Variants in MAST4 observed in about 807,000 individuals in gnomAD.
MAST4 encodes microtubule-associated serine/threonine-protein kinase 4.
A neutral mutation model predicts 162.7 loss-of-function variants in MAST4; 89 were observed. The ratio of observed to expected loss-of-function variants is 0.55; its 90% confidence interval spans 0.46 to 0.65. The LOEUF is 0.65. MAST4 is among the 30% of genes least tolerant of loss of function. MAST4 has a pLI of 0.00. For synonymous variants in MAST4, 1,479 were observed against 1,361.1 expected (o/e 1.09, Z -1.91); for missense variants, 3,153 against 3,374.0 (o/e 0.93, Z 1.62).
At chr5:66,622,713 A>G (rs1206085232) in intron 1 of MAST4, among the ~76,000 whole-genome samples, 1 of 152,174 alleles carries the variant, frequency 6.6e-6, no homozygotes, top group East Asian at 1.9e-4. Flanking sequence ...ATGGAAGATG[A>G]TAACTGGAAA....
chr5:67,118,765 G>C lies in MAST4; in HGVS notation c.1659+16G>C. On this transcript the variant is annotated intron_variant, in intron 13 of 28. Coordinates refer to ENST00000403625, the MANE Select transcript of MAST4 (RefSeq NM_001164664.2). ...ATCAGTGAGTGTAAGTATATTTCTT[G>C]ATGAAATATGATGTTGGTTTTTCTG... The C allele has an allele frequency of 7.0e-7, 1 of 1,426,460 alleles. No individual in the cohort carries two copies. Among genetic ancestry groups the C allele is most frequent in the Non-Finnish European group, 9.7e-7 (1 of 1,035,916 alleles). The allele number at this position is 1,426,460 out of a possible 1,614,324, so 88.4% of individuals were successfully genotyped here. A position where few individuals can be genotyped will look rare whatever the true frequency, so the allele number is the denominator to read the frequency against.
chr5:66,937,222 C>T (rs935005980), intron 4 of MAST4, among the ~76,000 whole-genome samples: 2 of 152,182 alleles, frequency 1.3e-5, no homozygotes, highest in African/African-American at 4.8e-5. Context: ...GTGAACAGGA[C>T]ACACATGGCC....
intron 1 of MAST4, among the ~76,000 whole-genome samples, chr5:66,643,007 C>T (rs976960601): frequency 9.9e-5 from 15 of 152,226 alleles, no homozygotes; most frequent in Admixed American, 3.3e-4. Flanking sequence ...CATGTAAATA[C>T]GAATTTCAGA....
intron 6 of MAST4, chr5:67,093,660 C>G (rs376189485): frequency 2.2e-6 from 1 of 461,858 alleles, no homozygotes; most frequent in Non-Finnish European, 4.4e-6. Context: ...TGCTTCAGAA[C>G]TAATAAGAAC....
At chr5:66,705,973 T>G (rs1470431881) in intron 1 of MAST4, among the ~76,000 whole-genome samples, 1 of 152,166 alleles carries the variant, frequency 6.6e-6, no homozygotes, top group Non-Finnish European at 1.5e-5. Context: ...TTTCCCATGG[T>G]TACACATGAT....
At chr5:66,765,368 A>G (rs540670670) in intron 2 of MAST4, among the ~76,000 whole-genome samples, 15 of 152,332 alleles carry the variant, frequency 9.8e-5, no homozygotes, top group African/African-American at 3.6e-4. Flanking sequence ...TAACCTATGC[A>G]TATCCTCCTG....
At chr5:66,776,345 G>A (rs1045401123) in intron 2 of MAST4, among the ~76,000 whole-genome samples, 15 of 152,284 alleles carry the variant, frequency 9.9e-5, no homozygotes, top group African/African-American at 2.4e-4. Flanking sequence ...GCAAAAGAGC[G>A]TCATTGAGTA....
chr5:66,604,072 C>T (rs1246861489), intron 1 of MAST4, among the ~76,000 whole-genome samples: 1 of 152,192 alleles, frequency 6.6e-6, no homozygotes, highest in Non-Finnish European at 1.5e-5. Flanking sequence ...GTCATCTGTG[C>T]TTCCAGGGTT....
chr5:66,842,601 G>C (rs935375249), intron 3 of MAST4, among the ~76,000 whole-genome samples: 2 of 152,062 alleles, frequency 1.3e-5, no homozygotes, highest in African/African-American at 4.8e-5. Flanking sequence ...CAACATACTT[G>C]CTTTGAAATT....
chr5:66,822,870 G>T (rs1054334052), intron 3 of MAST4, among the ~76,000 whole-genome samples: 2 of 152,278 alleles, frequency 1.3e-5, no homozygotes, highest in African/African-American at 4.8e-5. Flanking sequence ...GGTGTTAGGA[G>T]CCCAAACTCT....
chr5:66,668,865 C>G (rs1428525474), intron 1 of MAST4, among the ~76,000 whole-genome samples: 1 of 152,150 alleles, frequency 6.6e-6, no homozygotes, highest in Non-Finnish European at 1.5e-5. Flanking sequence ...TGATTGACAG[C>G]TCCTGGTTGC....
At chr5:67,104,638 T>C (rs536070263) in intron 10 of MAST4, 63 bp downstream of exon 10, 2 of 1,390,616 alleles carry the variant, frequency 1.4e-6, no homozygotes, top group East Asian at 4.9e-5. Context: ...AAAATTTTTT[T>C]TTGCTTACAA....
chr5:66,863,691 C>A (rs1453627526), intron 3 of MAST4, among the ~76,000 whole-genome samples: 2 of 152,122 alleles, frequency 1.3e-5, no homozygotes, highest in African/African-American at 4.8e-5. Flanking sequence ...ATGGGGAGAT[C>A]CTGGCAGGAG....
chr5:66,704,574 C>T (rs1285516803), intron 1 of MAST4, among the ~76,000 whole-genome samples: 1 of 145,030 alleles, frequency 6.9e-6, no homozygotes, highest in East Asian at 2.1e-4. Context: ...GATCTCGGCT[C>T]ACTGCAAGCT....
At chr5:66,809,268 C>G (rs1258005880) in intron 3 of MAST4, among the ~76,000 whole-genome samples, 3 of 152,184 alleles carry the variant, frequency 2.0e-5, no homozygotes, top group Non-Finnish European at 4.4e-5. Context: ...TAAGGCATTT[C>G]TACAGTGATC....
chr5:66,986,523 A>T, intron 4 of MAST4: 1 of 1,517,644 alleles, frequency 6.6e-7, no homozygotes, highest in Non-Finnish European at 8.9e-7. Flanking sequence ...TCCAAAGCTC[A>T]TATTGTTTCC....
intron 4 of MAST4, chr5:66,959,049 G>A (rs768129150): frequency 4.4e-5 from 26 of 592,216 alleles, no homozygotes; most frequent in African/African-American, 1.3e-4. Flanking sequence ...GTGCACTGCC[G>A]TTAACCTGAG....
chr5:66,993,515 A>G (rs1440264268), intron 4 of MAST4, among the ~76,000 whole-genome samples: 2 of 152,346 alleles, frequency 1.3e-5, no homozygotes, highest in African/African-American at 4.8e-5. Flanking sequence ...GGGAGCCAGG[A>G]GAAAAACCAT....
intron 1 of MAST4, among the ~76,000 whole-genome samples, chr5:66,739,357 T>C (rs2149570211): frequency 6.6e-6 from 1 of 152,284 alleles, no homozygotes. Context: ...CTGTATTTCC[T>C]GGGGCAGGAA....
Sources: allele counts gnomAD v4.1 joint callset (sites outside exome capture counted in the v4.1 genomes callset), GRCh38; gene constraint gnomAD v4.1.1; transcripts MANE v1.5; gene names NCBI Gene and HGNC (gene_info 2026-07-23, HGNC 2026-07-21).